Variants in LYPD6B observed in about 807,000 individuals in gnomAD.
LYPD6B encodes the protein LY6/PLAUR domain containing 6B, also known as ly6/PLAUR domain-containing protein 6B.
A neutral mutation model predicts 22.8 loss-of-function variants in LYPD6B; 17 were observed. The ratio of observed to expected loss-of-function variants is 0.75; its 90% confidence interval spans 0.51 to 1.12. The LOEUF is 1.12. Ranked by LOEUF, LYPD6B falls within the 50% of genes most tolerant of loss-of-function variation. LYPD6B has a pLI of 0.00. For synonymous variants in LYPD6B, 106 were observed against 91.6 expected, an observed-to-expected ratio of 1.16 and a Z score of -0.90; for missense variants, 221 against 258.3, an observed-to-expected ratio of 0.86 and a Z score of 0.99.
chr2:149,181,090 A>T (rs536613231), intron 3 of LYPD6B, among the ~76,000 whole-genome samples: 3 of 152,160 alleles, frequency 2.0e-5, no homozygotes, highest in East Asian at 3.9e-4. Context: ...TCTCATTTAA[A>T]TGGGGGTGAG....
chr2:149,157,584 A>G (rs1280574525), intron 2 of LYPD6B, among the ~76,000 whole-genome samples: 1 of 152,110 alleles, frequency 6.6e-6, no homozygotes, highest in Non-Finnish European at 1.5e-5. Flanking sequence ...TTTTTTGTTG[A>G]CTTTCTCTGG....
chr2:149,043,806 A>G (rs1434925910), intron 1 of LYPD6B, among the ~76,000 whole-genome samples: 1 of 152,102 alleles, frequency 6.6e-6, no homozygotes, highest in Admixed American at 6.5e-5. Flanking sequence ...TTTTTGTATA[A>G]GGGATAAAGT....
In LYPD6B at chr2:149,047,192, C is replaced by T. The variant is rs569543693; in HGVS notation, c.-67+8391C>T. Among the ~76,000 whole-genome samples, 44 of 125,540 alleles carry T rather than the reference C, an allele frequency of 3.5e-4. 1 individual carries two copies. The South Asian group carries it at 6.9e-3, about 20-fold the overall frequency. The allele number at this position is 125,540 out of a possible 152,430, so 82.4% of individuals were successfully genotyped here. On this transcript the variant is annotated intron_variant, in intron 1 of 6. Coordinates refer to ENST00000409642, the MANE Select transcript of LYPD6B (RefSeq NM_177964.5). ...GTAGATCCAAGTTTTGGTCTGGCAA[C>T]GCCTGGATAACTTAATTTAACATTT... is the stretch of plus-strand genomic sequence containing the variant.
At chr2:149,170,790 G>C (rs1251410442) in intron 3 of LYPD6B, among the ~76,000 whole-genome samples, 1 of 152,052 alleles carries the variant, frequency 6.6e-6, no homozygotes, top group East Asian at 1.9e-4. Flanking sequence ...ATCCTTCCTA[G>C]GTTTAAATAA....
At chr2:149,126,468 CT>C (rs1429535952) in intron 1 of LYPD6B, among the ~76,000 whole-genome samples, 2 of 152,024 alleles carry the variant, frequency 1.3e-5, no homozygotes, top group Non-Finnish European at 2.9e-5. Flanking sequence ...AAAGAAAATG[CT>C]ATTACAAAAA....
intron 2 of LYPD6B, chr2:149,142,216 G>A (rs920273009): frequency 2.0e-5 from 3 of 152,198 alleles, no homozygotes; most frequent in African/African-American, 7.2e-5. Flanking sequence ...AGCTCCCCGG[G>A]TGACTTCATC....
chr2:149,065,168 T>C (rs899456175), intron 1 of LYPD6B, among the ~76,000 whole-genome samples: 6 of 152,202 alleles, frequency 3.9e-5, no homozygotes, highest in Admixed American at 1.3e-4. Context: ...GAGTGATAGA[T>C]ACTGAATTCA....
At chr2:149,084,329 A>G (rs1476403549) in intron 1 of LYPD6B, among the ~76,000 whole-genome samples, 1 of 152,310 alleles carries the variant, frequency 6.6e-6, no homozygotes, top group African/African-American at 2.4e-5. Flanking sequence ...CTCTGTAAAG[A>G]AGAGTTTTCC....
intron 1 of LYPD6B, among the ~76,000 whole-genome samples, chr2:149,091,499 AT>A (rs900227131): frequency 6.6e-6 from 1 of 151,930 alleles, no homozygotes. Context: ...GGTCTTTGGT[AT>A]TTTTTAATAA....
At chr2:149,210,233 G>T (rs925815254) in intron 5 of LYPD6B, among the ~76,000 whole-genome samples, 1 of 152,062 alleles carries the variant, frequency 6.6e-6, no homozygotes, top group African/African-American at 2.4e-5. Context: ...GCTGTTTCTG[G>T]GCTTTAGGAT....
chr2:149,051,909 G>T (rs931095789), intron 1 of LYPD6B, among the ~76,000 whole-genome samples: 4 of 151,918 alleles, frequency 2.6e-5, no homozygotes, highest in Admixed American at 1.3e-4. Context: ...CAAGTGATCT[G>T]CCCGCCTAAT....
chr2:149,212,921 G>A, intron 5 of LYPD6B, 71 bp from the exon 6 acceptor site: 2 of 1,479,146 alleles, frequency 1.4e-6, no homozygotes, highest in Non-Finnish European at 1.8e-6. Flanking sequence ...ATTGTTAAGA[G>A]ATCTCTTTTG....
chr2:149,164,001 AAG>A (rs1244903698), intron 3 of LYPD6B, among the ~76,000 whole-genome samples: 12 of 152,186 alleles, frequency 7.9e-5, no homozygotes, highest in African/African-American at 2.7e-4. Flanking sequence ...GTAGGCAAAT[AAG>A]AGAAGAGTAA....
At chr2:149,165,208 A>T (rs1690344716) in intron 3 of LYPD6B, among the ~76,000 whole-genome samples, 1 of 152,178 alleles carries the variant, frequency 6.6e-6, no homozygotes, top group African/African-American at 2.4e-5. Context: ...AAAAACTATA[A>T]GCTTGAAGCC....
chr2:149,123,389 T>G (rs180913924), intron 1 of LYPD6B, among the ~76,000 whole-genome samples: 84 of 152,306 alleles, frequency 5.5e-4, no homozygotes, highest in African/African-American at 2.0e-3. Context: ...GTTTTCTAAG[T>G]AACACCCTAA....
At chr2:149,093,712 T>TC (rs1474351400) in intron 1 of LYPD6B, among the ~76,000 whole-genome samples, 2 of 152,220 alleles carry the variant, frequency 1.3e-5, no homozygotes, top group Non-Finnish European at 2.9e-5. Flanking sequence ...GGTTTTCTGT[T>TC]CCCCCTAGAA....
At chr2:149,147,186 G>T (rs1350385941) in intron 2 of LYPD6B, among the ~76,000 whole-genome samples, 1 of 152,198 alleles carries the variant, frequency 6.6e-6, no homozygotes, top group East Asian at 1.9e-4. Context: ...TAGTTGTGTG[G>T]CCTCAAACTC....
At chr2:149,058,043 C>T (rs1432287849) in intron 1 of LYPD6B, among the ~76,000 whole-genome samples, 4 of 152,178 alleles carry the variant, frequency 2.6e-5, no homozygotes, top group Admixed American at 1.3e-4. Flanking sequence ...AAGGGCATTT[C>T]GACTGGCAGC....
intron 2 of LYPD6B, chr2:149,154,091 A>G (rs1689544424): frequency 1.1e-6 from 1 of 925,008 alleles, no homozygotes; most frequent in Non-Finnish European, 1.3e-6. Flanking sequence ...CTCATTTTGA[A>G]TATTATAGTG....
Sources: gnomAD v4.1 joint callset for allele counts (sites outside exome capture counted in the v4.1 genomes callset) on GRCh38, gnomAD v4.1.1 for gene constraint, MANE v1.5 for transcripts, NCBI Gene and HGNC (gene_info 2026-07-23, HGNC 2026-07-21) for gene names.